The following TANC2 variants were observed in gnomAD, a reference collection of about 807,000 sequenced individuals.
TANC2 encodes protein TANC2.
TANC2 carries 26 observed loss-of-function variants against 210.5 expected under a neutral mutation model. The ratio of observed to expected loss-of-function variants is 0.12; its 90% CI spans 0.09 to 0.17. The LOEUF (loss-of-function observed/expected upper bound fraction) is 0.17. Among genes scored for constraint, TANC2 ranks in the 10% least tolerant of loss-of-function variants. The probability of loss-of-function intolerance (pLI) is 1.00; values close to 1 mark genes in which losing one functional copy is unlikely to be tolerated. For missense variants in TANC2, 2,129 were observed against 2,608.9 expected (o/e 0.82, Z 4.01); for synonymous variants, 931 against 967.1 (o/e 0.96, Z 0.69).
At chr17:63,392,521 C>T (rs2048013854) in intron 17 of TANC2, among the ~76,000 whole-genome samples, 1 of 152,206 alleles carries the variant, frequency 6.6e-6, no homozygotes. Context: ...TCCTTGGTCT[C>T]TACCCCAACT....
At chr17:63,052,977 G>T (rs760226479) in intron 2 of TANC2, among the ~76,000 whole-genome samples, 8 of 152,172 alleles carry the variant, frequency 5.3e-5, no homozygotes, top group Non-Finnish European at 8.8e-5. Flanking sequence ...TGCAAAAATA[G>T]GTGGCAGGCC....
intron 9 of TANC2, among the ~76,000 whole-genome samples, chr17:63,293,759 T>C (rs1471907839): frequency 1.3e-5 from 2 of 152,106 alleles, no homozygotes; most frequent in Admixed American, 6.5e-5. Context: ...TTGTTTTTTT[T>C]CCCGTGGGTG....
At chr17:63,099,784 TA>T (rs2037555815) in intron 4 of TANC2, among the ~76,000 whole-genome samples, 1 of 152,134 alleles carries the variant, frequency 6.6e-6, no homozygotes, top group African/African-American at 2.4e-5. Flanking sequence ...ATATTTTATA[TA>T]TTTTTTTAAA....
chr17:63,159,883 T>C (rs2039966748), intron 5 of TANC2, among the ~76,000 whole-genome samples: 1 of 152,150 alleles, frequency 6.6e-6, no homozygotes, highest in Non-Finnish European at 1.5e-5. Context: ...ATACCATAGA[T>C]TGGGTGGCTT....
At chr17:63,158,255 ATCAC>A (rs2039906028) in intron 5 of TANC2, among the ~76,000 whole-genome samples, 2 of 152,202 alleles carry the variant, frequency 1.3e-5, no homozygotes, top group African/African-American at 2.4e-5. Flanking sequence ...AGATAGTAAT[ATCAC>A]TCACTCCATA....
intron 2 of TANC2, among the ~76,000 whole-genome samples, chr17:63,054,546 ATTTTTTT>A (rs372855287): frequency 7.3e-6 from 1 of 136,962 alleles, no homozygotes; most frequent in Non-Finnish European, 1.6e-5. Context: ...TAATTTTTGT[ATTTTTTT>A]TTTTTTTTTA....
At chr17:63,097,743 T>C (rs2037442787) in intron 3 of TANC2, among the ~76,000 whole-genome samples, 1 of 152,186 alleles carries the variant, frequency 6.6e-6, no homozygotes, top group Admixed American at 6.5e-5. Context: ...ATTATGAGCA[T>C]TGTCTTTTCA....
intron 1 of TANC2, among the ~76,000 whole-genome samples, chr17:63,002,538 T>G (rs538675054): frequency 1.3e-5 from 2 of 152,316 alleles, no homozygotes; most frequent in East Asian, 3.9e-4. Context: ...TGAATATCAT[T>G]AAGTGGATTT....
At chr17:62,998,638 C>T (rs186285507) in intron 1 of TANC2, among the ~76,000 whole-genome samples, 1 of 152,170 alleles carries the variant, frequency 6.6e-6, no homozygotes, top group African/African-American at 2.4e-5. Context: ...CAAACATTTC[C>T]TATGTAGCCA....
chr17:63,070,123 C>G (rs2036342457), intron 2 of TANC2, among the ~76,000 whole-genome samples: 2 of 152,088 alleles, frequency 1.3e-5, no homozygotes, highest in African/African-American at 4.8e-5. Flanking sequence ...AAATTATGTA[C>G]ACATTAGTTT....
intron 2 of TANC2, among the ~76,000 whole-genome samples, chr17:63,029,841 A>G (rs1335699550): frequency 7.2e-5 from 11 of 152,156 alleles, no homozygotes; most frequent in Non-Finnish European, 1.6e-4. Context: ...AGGACAAGTT[A>G]ATAGTGGTCC....
chr17:63,097,667 G>A (rs906219156), intron 3 of TANC2, among the ~76,000 whole-genome samples: 6 of 151,892 alleles, frequency 4.0e-5, no homozygotes, highest in African/African-American at 1.2e-4. Context: ...TGCAGCCCAC[G>A]GGCTAGATAA....
At chr17:63,325,882 A>G (rs1250417764) in intron 11 of TANC2, among the ~76,000 whole-genome samples, 1 of 152,242 alleles carries the variant, frequency 6.6e-6, no homozygotes, top group Non-Finnish European at 1.5e-5. Flanking sequence ...GATTGAATGT[A>G]CTTAGACTGT....
chr17:63,319,427 C>T (rs1044200503), intron 11 of TANC2, among the ~76,000 whole-genome samples: 7 of 152,210 alleles, frequency 4.6e-5, no homozygotes, highest in African/African-American at 1.4e-4. Flanking sequence ...TCACTGCAGC[C>T]TCCACTTCCC....
At chr17:63,262,593 C>A (rs2043398169) in intron 8 of TANC2, among the ~76,000 whole-genome samples, 1 of 151,176 alleles carries the variant, frequency 6.6e-6, no homozygotes, top group Admixed American at 6.6e-5. Context: ...TGTCCTAAGT[C>A]TTCATTCTTG....
chr17:63,208,721 G>A (rs534927182), intron 7 of TANC2, among the ~76,000 whole-genome samples: 1 of 151,834 alleles, frequency 6.6e-6, no homozygotes, highest in African/African-American at 2.4e-5. Flanking sequence ...TTTCAATAGG[G>A]TCTGGTATAT....
chr17:63,355,886 C>G (rs561012423), intron 14 of TANC2, among the ~76,000 whole-genome samples: 5 of 152,236 alleles, frequency 3.3e-5, no homozygotes, highest in African/African-American at 1.2e-4. Context: ...AATCTTAAAC[C>G]TCCTAGCTGA....
chr17:63,016,531 A>G (rs1331695863), intron 2 of TANC2, among the ~76,000 whole-genome samples: 1 of 152,234 alleles, frequency 6.6e-6, no homozygotes, highest in East Asian at 1.9e-4. Context: ...GCTGTAGTGA[A>G]CATTGGAATA....
intron 4 of TANC2, among the ~76,000 whole-genome samples, chr17:63,114,072 A>G (rs900754431): frequency 1.3e-5 from 2 of 152,210 alleles, no homozygotes; most frequent in African/African-American, 4.8e-5. Flanking sequence ...TGATATGTGT[A>G]TCTTATGGCT....
Sources: gnomAD v4.1 joint callset for allele counts (sites outside exome capture counted in the v4.1 genomes callset) on GRCh38, gnomAD v4.1.1 for gene constraint, MANE v1.5 for transcripts, NCBI Gene and HGNC (gene_info 2026-07-23, HGNC 2026-07-21) for gene names.